Variants in TRERF1 observed in about 807,000 individuals in gnomAD.
TRERF1 encodes transcriptional-regulating factor 1.
In TRERF1, 27 loss-of-function variants were observed where a neutral mutation model predicts 122.9. The ratio of observed to expected loss-of-function variants is 0.22; its 90% CI spans 0.16 to 0.30. The LOEUF (loss-of-function observed/expected upper bound fraction) is 0.30. TRERF1 is among the 10% of genes least tolerant of loss of function. The probability of loss-of-function intolerance (pLI) is 1.00; values close to 1 mark genes in which losing one functional copy is unlikely to be tolerated. For synonymous variants in TRERF1, 636 were observed against 641.7 expected, an observed-to-expected ratio of 0.99 and a Z score of 0.13; for missense variants, 1,248 against 1,560.3, an observed-to-expected ratio of 0.80 and a Z score of 3.37.
intron 3 of TRERF1, among the ~76,000 whole-genome samples, chr6:42,339,802 G>A (rs1476015121): frequency 6.6e-6 from 1 of 152,208 alleles, no homozygotes; most frequent in Non-Finnish European, 1.5e-5. Context: ...TCTTTCCCAG[G>A]TAGACTGAGA....
At position 42,256,948 on chromosome 6, in the gene TRERF1, C is replaced by T; in HGVS notation, c.2476+15G>A. 1.9e-6 allele frequency: 3 copies of T among 1,614,100 alleles called. No individual in the cohort carries two copies. The highest frequency in any genetic ancestry group is 1.7e-6 in the Non-Finnish European group (2 of 1,179,954). On this transcript the variant is annotated intron_variant, in intron 11 of 17. Coordinates refer to ENST00000372922, the Ensembl canonical transcript of TRERF1. ...ATCAAACCTCTCCCACCCAGCTCTT[C>T]CCATATGCCAATACCTCTTTGCTGG... is the stretch of plus-strand genomic sequence containing the variant.
intron 3 of TRERF1, among the ~76,000 whole-genome samples, chr6:42,305,183 G>C (rs1304844553): frequency 1.3e-5 from 2 of 152,222 alleles, no homozygotes; most frequent in Non-Finnish European, 2.9e-5. Flanking sequence ...GGTTGAGCCA[G>C]AGCTTTAAGG....
intron 2 of TRERF1, among the ~76,000 whole-genome samples, chr6:42,386,177 T>C (rs564675893): frequency 5.3e-5 from 8 of 152,266 alleles, no homozygotes; most frequent in African/African-American, 1.9e-4. Flanking sequence ...TGAAACCCTG[T>C]CTTTACTAAA....
chr6:42,310,675 A>G (rs551028316), intron 3 of TRERF1, among the ~76,000 whole-genome samples: 20 of 152,302 alleles, frequency 1.3e-4, no homozygotes, highest in Non-Finnish European at 2.2e-4. Context: ...GCTCTAGTGT[A>G]ATCAAGAGAA....
At chr6:42,292,921 G>A (rs1435933472) in intron 4 of TRERF1, among the ~76,000 whole-genome samples, 3 of 152,178 alleles carry the variant, frequency 2.0e-5, no homozygotes, top group African/African-American at 7.2e-5. Context: ...AGGGTACCCA[G>A]CTCTCCAATT....
At chr6:42,238,870 C>CACACACACACACAA (rs1554124320) in intron 15 of TRERF1, among the ~76,000 whole-genome samples, 5 of 149,000 alleles carry the variant, frequency 3.4e-5, no homozygotes, top group African/African-American at 1.0e-4. Context: ...CACACACACA[C>CACACACACACACAA]AATTTCTAGT....
chr6:42,429,668 C>T (rs1784188623), intron 2 of TRERF1, among the ~76,000 whole-genome samples: 1 of 152,178 alleles, frequency 6.6e-6, no homozygotes, highest in Non-Finnish European at 1.5e-5. Flanking sequence ...CCCCCAAGGA[C>T]ACAGCACTGG....
intron 4 of TRERF1, among the ~76,000 whole-genome samples, chr6:42,273,697 G>A (rs1237568563): frequency 1.3e-5 from 2 of 152,194 alleles, no homozygotes; most frequent in Admixed American, 1.3e-4. Flanking sequence ...GTTGTAGTGG[G>A]CCTTAAAGTG....
At chr6:42,317,224 G>A (rs1228602135) in intron 3 of TRERF1, among the ~76,000 whole-genome samples, 12 of 152,010 alleles carry the variant, frequency 7.9e-5, no homozygotes, top group Non-Finnish European at 7.4e-5. Flanking sequence ...GGCTGGCTCT[G>A]CCTTAAACTG....
chr6:42,353,344 T>C lies in TRERF1; in HGVS notation c.-371+9653A>G, dbSNP rs908098961. Among the ~76,000 whole-genome samples the C allele has an allele frequency of 2.6e-5, 4 of 151,598 alleles. No homozygotes were observed. In the South Asian group the frequency reaches 8.3e-4, roughly 32 times the overall value. On this transcript the variant is annotated intron_variant, in intron 3 of 17. Transcript: ENST00000372922. ...GCTCACTCCCGAAATCCCAGCACTTTGGGAGGGCGAGGCGCATGGATCATC... is the reference window on the plus strand; with the variant it reads ...GCTCACTCCCGAAATCCCAGCACTTCGGGAGGGCGAGGCGCATGGATCATC...
intron 2 of TRERF1, among the ~76,000 whole-genome samples, chr6:42,430,324 T>G (rs190631563): frequency 9.7e-4 from 147 of 152,274 alleles, no homozygotes; most frequent in Admixed American, 2.2e-3. Flanking sequence ...TCAAACAATC[T>G]TAAGAAAACC....
At chr6:42,384,620 A>G (rs1260739804) in intron 2 of TRERF1, among the ~76,000 whole-genome samples, 1 of 152,170 alleles carries the variant, frequency 6.6e-6, no homozygotes, top group Admixed American at 6.5e-5. Flanking sequence ...TATTAAATCA[A>G]TCAATAGGAA....
rs145213435 is a variant in TRERF1 at position 42,432,294 on chromosome 6, AG to A, written c.-454+18882del. On this transcript the variant is annotated intron_variant, in intron 2 of 17. Coordinates refer to ENST00000372922, the Ensembl canonical transcript of TRERF1. ...CTTTCTGAACCATCCAAGAGAGAAAAGGTCTATAGTTTTATTTTTGTACATG... is the reference window on the plus strand; with the variant it reads ...CTTTCTGAACCATCCAAGAGAGAAAAGTCTATAGTTTTATTTTTGTACATG... Among the ~76,000 whole-genome samples the A allele has an allele frequency of 5.3e-3, 813 of 152,366 alleles. 6 individuals carry two copies. Among genetic ancestry groups the A allele is most frequent in the African/African-American group, 0.018 (755 of 41,582 alleles).
At chr6:42,279,267 G>A (rs1478855618) in intron 4 of TRERF1, among the ~76,000 whole-genome samples, 3 of 152,178 alleles carry the variant, frequency 2.0e-5, no homozygotes, top group African/African-American at 7.2e-5. Context: ...TCTGGGCCCA[G>A]GGCCCACAGG....
At chr6:42,266,852 C>G (rs1779289156) in intron 5 of TRERF1, among the ~76,000 whole-genome samples, 1 of 152,078 alleles carries the variant, frequency 6.6e-6, no homozygotes, top group African/African-American at 2.4e-5. Flanking sequence ...TTTTAAAAAC[C>G]CTTAATGAGA....
At chr6:42,273,688 T>C (rs1780649070) in intron 4 of TRERF1, among the ~76,000 whole-genome samples, 1 of 152,210 alleles carries the variant, frequency 6.6e-6, no homozygotes, top group Non-Finnish European at 1.5e-5. Flanking sequence ...AAAGGATAAG[T>C]TGTAGTGGGC....
intron 4 of TRERF1, among the ~76,000 whole-genome samples, chr6:42,279,179 G>A (rs1781827028): frequency 6.6e-6 from 1 of 152,186 alleles, no homozygotes; most frequent in Non-Finnish European, 1.5e-5. Context: ...TCCAGCCAGG[G>A]CCCAGGAGGT....
Position 42,275,258 on chromosome 6 carries a change from G to A in TRERF1, c.-258-5410C>T, listed in dbSNP as rs1231187377. ...AAGGTAACTGTTTTGCTCATTATGT[G>A]TAACAATTTCTACTGGGTAATTTGT... is the stretch of plus-strand genomic sequence containing the variant. On this transcript the variant is annotated intron_variant, in intron 4 of 17. Transcript: ENST00000372922. This position sits in a 1 kb window ranked among gnomAD's most constrained non-coding sequence, Gnocchi z 4.1. Among the ~76,000 whole-genome samples the A allele has an allele frequency of 2.0e-5, 3 of 152,210 alleles. No homozygotes were observed. The highest frequency in any genetic ancestry group is 2.9e-5 in the Non-Finnish European group (2 of 68,032).
At chr6:42,409,906 C>G (rs1252591834) in intron 2 of TRERF1, among the ~76,000 whole-genome samples, 9 of 152,188 alleles carry the variant, frequency 5.9e-5, no homozygotes, top group Admixed American at 2.0e-4. Flanking sequence ...AATCCCCCAA[C>G]ACACCTATTT....
Sources: allele counts gnomAD v4.1 joint callset (sites outside exome capture counted in the v4.1 genomes callset), GRCh38; gene constraint gnomAD v4.1.1; non-coding constraint Gnocchi (gnomAD v3.1); transcripts MANE v1.5; gene names NCBI Gene and HGNC (gene_info 2026-07-23, HGNC 2026-07-21).